SLC9A4: variants seen among roughly 807,000 people sequenced by gnomAD.
SLC9A4 encodes the protein solute carrier family 9 member A4.
Under a neutral mutation model 67.4 loss-of-function variants are expected in SLC9A4, and 63 were observed. That is an observed-to-expected ratio of 0.93 (90% CI 0.76 to 1.15). SLC9A4 has a LOEUF of 1.15. Among genes scored for constraint, SLC9A4 ranks in the 50% most tolerant of loss-of-function variants. SLC9A4 has a pLI of 0.00. For missense variants in SLC9A4, 1,089 were observed against 987.7 expected, an observed-to-expected ratio of 1.10 and a Z score of -1.38; for synonymous variants, 393 against 367.2, an observed-to-expected ratio of 1.07 and a Z score of -0.80.
Position 102,479,078 on chromosome 2 carries a change from G to C in SLC9A4, c.496G>C (p.Ala166Pro). 1 of 1,614,172 alleles carries C rather than the reference G, an allele frequency of 6.2e-7. No individual in the cohort carries two copies. Among genetic ancestry groups the C allele is most frequent in the South Asian group, 1.1e-5 (1 of 91,086 alleles). Residue 166 changes from alanine to proline, a missense_variant, in exon 2 of 12, where the codon GCC (alanine) becomes CCC (proline). Transcript: ENST00000295269. ...CATCCTGTGGTGGGCAGTATTGGGG[G>C]CCCTGATCAACGCCTTGGGCATTGG... ...GSILWWAVLG[A>P]LINALGIGLS...
Position 102,509,067 on chromosome 2 carries a change from T to C in SLC9A4, c.1488+134T>C, listed in dbSNP as rs964979589. 1.1e-5 allele frequency: 8 copies of C among 749,396 alleles called. No homozygotes were observed. In the African/African-American group the frequency reaches 1.4e-4, roughly 13 times the overall value. The allele number at this position is 749,396 out of a possible 1,614,324, so 46.4% of individuals were successfully genotyped here. A position where few individuals can be genotyped will look rare whatever the true frequency, so the allele number is the denominator to read the frequency against. ...CAAGAGTGACTGTATAAGTTTCCTA[T>C]GGCTGCTGTAGGAAATTGCCACAAA... On this transcript the variant is annotated intron_variant, in intron 6 of 11. Coordinates refer to ENST00000295269, the MANE Select transcript of SLC9A4 (RefSeq NM_001011552.4).
chr2:102,488,156 T>C (rs1211737935), intron 2 of SLC9A4, among the ~76,000 whole-genome samples: 1 of 152,174 alleles, frequency 6.6e-6, no homozygotes, highest in East Asian at 1.9e-4. Flanking sequence ...TTCCTAGTCC[T>C]GTGGTTTTCA....
chr2:102,508,922 C>G lies in SLC9A4; in HGVS notation c.1477C>G (p.Leu493Val). The G allele has an allele frequency of 6.2e-7, 1 of 1,610,130 alleles. No homozygotes were observed. The highest frequency in any genetic ancestry group is 8.5e-7 in the Non-Finnish European group (1 of 1,178,532). ...TAAAAAAGAATCCATCAATGAAGAG[C>G]TTCATATTCGTGTAAGTTATCTCAT... ...TNKKESINEE[L>V]HIRLMDHLKA... The change falls in exon 6 of 12, where the codon CTT becomes GTT. Residue 493 changes from leucine (L) to valine (V), a missense_variant. Physicochemically the swap from Leu to Val is conservative, Grantham distance 32. Coordinates refer to ENST00000295269, the MANE Select transcript of SLC9A4 (RefSeq NM_001011552.4).
chr2:102,525,103 A>T lies in SLC9A4; in HGVS notation c.1898A>T (p.Asn633Ile). The change falls in exon 10 of 12, where the codon AAC becomes ATC. Residue 633 changes from asparagine to isoleucine, a missense_variant. Coordinates refer to ENST00000295269, the MANE Select transcript of SLC9A4 (RefSeq NM_001011552.4). Reference sequence around the variant, plus strand: ...AAAGAGATTCTGATCCGCCGCCAGAACACCTTAAGGGAGAGCATGAGGAAA... The same window carrying T: ...AAAGAGATTCTGATCCGCCGCCAGATCACCTTAAGGGAGAGCATGAGGAAA... Reference protein sequence around the residue: ...QAKEILIRRQNTLRESMRKGH... With the variant: ...QAKEILIRRQITLRESMRKGH... 6 of 1,614,110 alleles carry T rather than the reference A, an allele frequency of 3.7e-6. No individual in the cohort carries two copies. The highest frequency in any genetic ancestry group is 5.1e-6 in the Non-Finnish European group (6 of 1,179,988).
intron 10 of SLC9A4, 30 bp downstream of exon 10, chr2:102,525,185 C>T (rs1213715798): frequency 3.1e-6 from 5 of 1,613,266 alleles, no homozygotes; most frequent in Non-Finnish European, 2.5e-6. Flanking sequence ...TGGGACATTC[C>T]TTCAGTGTGC....
In SLC9A4 at chr2:102,512,248, T is replaced by C; in HGVS notation, c.1534T>C (p.Trp512Arg). 6.2e-7 allele frequency: 1 copy of C among 1,614,114 alleles called. No individual in the cohort carries two copies. The highest frequency in any genetic ancestry group is 8.5e-7 in the Non-Finnish European group (1 of 1,179,982). Residue 512 changes from tryptophan to arginine, a missense_variant, in exon 7 of 12, where the codon TGG becomes CGG. Transcript: ENST00000295269. ...KAGIEDVCGH[W>R]SHYQVRDKFK... ...TGGAATCGAAGATGTGTGTGGGCACTGGAGTCACTACCAAGTGAGAGACAA... is the reference window on the plus strand; with the variant it reads ...TGGAATCGAAGATGTGTGTGGGCACCGGAGTCACTACCAAGTGAGAGACAA...
chr2:102,480,352 C>T (rs1031833988), intron 2 of SLC9A4, among the ~76,000 whole-genome samples: 22 of 149,946 alleles, frequency 1.5e-4, no homozygotes, highest in Admixed American at 4.0e-4. Context: ...CAAGTCTTTC[C>T]GTGTCTTGTT....
rs561719074 is a variant in SLC9A4, at chr2:102,505,977, G to C, written c.1198+506G>C. ...TTGTATTCTATGGAAGACAAATACT[G>C]ATAGAAAACATCCCCCTAAATAGTA... On this transcript the variant is annotated intron_variant, in intron 4 of 11. Coordinates refer to ENST00000295269, the MANE Select transcript of SLC9A4 (RefSeq NM_001011552.4). Among the ~76,000 whole-genome samples the C allele has an allele frequency of 5.9e-4, 90 of 152,290 alleles. No homozygotes were observed. In the Middle Eastern group the frequency reaches 0.02, roughly 35 times the overall value.
intron 11 of SLC9A4, among the ~76,000 whole-genome samples, chr2:102,527,273 A>G (rs1356454989): frequency 6.6e-6 from 1 of 151,748 alleles, no homozygotes; most frequent in African/African-American, 2.4e-5. Flanking sequence ...CCTCCACAAA[A>G]AAATCACAAA....
chr2:102,521,199 G>A (rs938491984), intron 9 of SLC9A4, among the ~76,000 whole-genome samples: 4 of 152,168 alleles, frequency 2.6e-5, no homozygotes, highest in African/African-American at 9.7e-5. Context: ...CCAAGTTTAG[G>A]GAAAGGTCTA....
intron 2 of SLC9A4, among the ~76,000 whole-genome samples, chr2:102,501,051 C>T (rs1435551645): frequency 1.3e-5 from 2 of 151,718 alleles, no homozygotes; most frequent in African/African-American, 2.4e-5. Context: ...CCTCGCCTCT[C>T]GGGTTCAAGT....
chr2:102,513,601 A>T (rs1685212532), intron 7 of SLC9A4, among the ~76,000 whole-genome samples: 1 of 152,172 alleles, frequency 6.6e-6, no homozygotes, highest in South Asian at 2.1e-4. Context: ...ATTCAAAATG[A>T]TCTGCAGCAT....
chr2:102,513,713 A>T (rs1464771853), intron 7 of SLC9A4, among the ~76,000 whole-genome samples: 3 of 152,250 alleles, frequency 2.0e-5, no homozygotes, highest in Non-Finnish European at 1.5e-5. Context: ...GTTATGCGCT[A>T]TTAGAATGGA....
chr2:102,513,904 T>A (rs1685219589), intron 7 of SLC9A4, among the ~76,000 whole-genome samples, 186 bp from the exon 8 acceptor site: 1 of 152,218 alleles, frequency 6.6e-6, no homozygotes, highest in South Asian at 2.1e-4. Context: ...TTTTTTATTT[T>A]AAAAAATGCA....
Position 102,526,267 on chromosome 2 carries a change from C to T in SLC9A4, c.1959C>T (p.Thr653=). ...CTACTTGCTACCCACAGGCTGGCACCAAGAATATCCGCTACCTCTCCTACC... is the reference window on the plus strand; with the variant it reads ...CTACTTGCTACCCACAGGCTGGCACTAAGAATATCCGCTACCTCTCCTACC... ...HSLPWGKPAG[T]KNIRYLSYPY... is the part of the protein sequence containing the mutation. The change falls in exon 11 of 12, where the codon ACC becomes ACT. Residue 653 remains threonine, a synonymous_variant. Coordinates refer to ENST00000295269, the MANE Select transcript of SLC9A4 (RefSeq NM_001011552.4). 1 of 1,613,628 alleles carries T rather than the reference C, an allele frequency of 6.2e-7. No homozygotes were observed. Among genetic ancestry groups the T allele is most frequent in the African/African-American group, 1.3e-5 (1 of 74,992 alleles).
intron 2 of SLC9A4, 60 bp from the exon 3 acceptor site, chr2:102,503,388 T>G (rs1337630576): frequency 2.1e-6 from 3 of 1,425,666 alleles, no homozygotes; most frequent in East Asian, 4.8e-5. Context: ...AGAATGTGCA[T>G]GCAAAGTGTT....
intron 7 of SLC9A4, among the ~76,000 whole-genome samples, chr2:102,512,581 C>T (rs1218629304): frequency 1.3e-5 from 2 of 152,182 alleles, no homozygotes; most frequent in African/African-American, 4.8e-5. Context: ...AAGATCAGCT[C>T]TACCACGGAA....
Position 102,504,177 on chromosome 2 carries a change from T to C in SLC9A4, c.980+470T>C, listed in dbSNP as rs187832015. ...ACTCCATTCTCCTGCCTCAGCCTCC[T>C]GAGTAGCTGGGACTACAGGTACTGG... On this transcript the variant is annotated intron_variant, in intron 3 of 11. Transcript: ENST00000295269. Among the ~76,000 whole-genome samples the C allele has an allele frequency of 2.9e-3, 438 of 152,284 alleles. 12 individuals are homozygous for C. The East Asian group carries it at 0.068, about 24-fold the overall frequency.
chr2:102,521,446 G>A (rs781605644), intron 9 of SLC9A4, among the ~76,000 whole-genome samples: 1 of 152,138 alleles, frequency 6.6e-6, no homozygotes, highest in South Asian at 2.1e-4. Context: ...GTTTATTGCT[G>A]ATGACCTTGG....
Sources: allele counts gnomAD v4.1 joint callset (sites outside exome capture counted in the v4.1 genomes callset), GRCh38; gene constraint gnomAD v4.1.1; transcripts MANE v1.5; gene names NCBI Gene and HGNC (gene_info 2026-07-23, HGNC 2026-07-21).